Variants in RNLS observed in about 807,000 individuals in gnomAD.
RNLS encodes the protein renalase.
Under a neutral mutation model 39.8 loss-of-function variants are expected in RNLS, and 39 were observed. That is an observed-to-expected ratio of 0.98 (90% CI 0.76 to 1.28). The LOEUF is 1.28. Ranked by LOEUF, RNLS falls within the 50% of genes most tolerant of loss-of-function variation. RNLS has a pLI of 0.00. For missense variants in RNLS, 410 were observed against 413.3 expected (o/e 0.99, Z 0.07); for synonymous variants, 147 against 150.7 (o/e 0.98, Z 0.18).
At chr10:88,205,209 T>C in the RNLS span, among the ~76,000 whole-genome samples, 7 of 152,142 alleles carry the variant, frequency 4.6e-5, no homozygotes, top group African/African-American at 1.7e-4. Flanking sequence ...CTCTCCTTGC[T>C]AGACCGTGTC....
chr10:88,269,038 G>C (rs1401103047), downstream of RNLS, among the ~76,000 whole-genome samples: 3 of 152,112 alleles, frequency 2.0e-5, no homozygotes, highest in Non-Finnish European at 2.9e-5. Context: ...TGATGTTAGG[G>C]GGACAATCAA....
chr10:88,344,747 T>C (rs937188273), intron 5 of RNLS, among the ~76,000 whole-genome samples: 1 of 152,168 alleles, frequency 6.6e-6, no homozygotes, highest in Non-Finnish European at 1.5e-5. Flanking sequence ...TAGAAATCTA[T>C]TTTAGTGAGG....
the RNLS span, among the ~76,000 whole-genome samples, chr10:88,249,014 C>T: frequency 1.3e-5 from 2 of 152,184 alleles, no homozygotes; most frequent in Non-Finnish European, 2.9e-5. Flanking sequence ...GCCTGGTCCC[C>T]TCTGATCCAT....
intron 4 of RNLS, among the ~76,000 whole-genome samples, chr10:88,439,722 C>T (rs1215754169): frequency 6.6e-6 from 1 of 152,144 alleles, no homozygotes; most frequent in Non-Finnish European, 1.5e-5. Context: ...CAGTGATTTG[C>T]CCAAAGTGAC....
intron 4 of RNLS, among the ~76,000 whole-genome samples, chr10:88,408,885 T>C (rs565026575): frequency 6.6e-6 from 1 of 152,262 alleles, no homozygotes; most frequent in East Asian, 1.9e-4. Flanking sequence ...GCAAATTATA[T>C]TTCTCTATGA....
intron 6 of RNLS, among the ~76,000 whole-genome samples, chr10:88,306,307 G>A (rs1453764096): frequency 1.3e-5 from 2 of 152,026 alleles, no homozygotes. Context: ...AGCTAGCAGA[G>A]ACAAGAAATA....
chr10:88,197,784 C>G, the RNLS span, among the ~76,000 whole-genome samples: 1 of 152,142 alleles, frequency 6.6e-6, no homozygotes, highest in Non-Finnish European at 1.5e-5. Flanking sequence ...TAGGAGTTTG[C>G]TCTTGCTAAA....
the RNLS span, among the ~76,000 whole-genome samples, chr10:88,235,854 CAG>C: frequency 6.6e-6 from 1 of 150,768 alleles, no homozygotes; most frequent in African/African-American, 2.4e-5. Flanking sequence ...TTTTTTGAGA[CAG>C]GGTCTTGTTC....
intron 4 of RNLS, among the ~76,000 whole-genome samples, chr10:88,449,826 T>A (rs952894808): frequency 1.3e-5 from 2 of 152,168 alleles, no homozygotes; most frequent in Non-Finnish European, 2.9e-5. Context: ...CTTTTATTAA[T>A]TTTTTAAGTA....
intron 4 of RNLS, among the ~76,000 whole-genome samples, chr10:88,484,791 T>C (rs1393749074): frequency 6.6e-6 from 1 of 151,962 alleles, no homozygotes; most frequent in Admixed American, 6.6e-5. Context: ...TTATTAGGTC[T>C]TCTTTAAAGT....
chr10:88,244,154 G>C, the RNLS span, among the ~76,000 whole-genome samples: 1 of 152,164 alleles, frequency 6.6e-6, no homozygotes, highest in African/African-American at 2.4e-5. Flanking sequence ...GGCCCAATCC[G>C]GGGTCTGCAT....
At chr10:88,193,976 G>T in the RNLS span, among the ~76,000 whole-genome samples, 1 of 152,134 alleles carries the variant, frequency 6.6e-6, no homozygotes, top group South Asian at 2.1e-4. Context: ...TTGGCTAATT[G>T]TTTTGCAAGC....
At chr10:88,540,316 G>A (rs1271298124) in intron 4 of RNLS, among the ~76,000 whole-genome samples, 1 of 152,106 alleles carries the variant, frequency 6.6e-6, no homozygotes, top group Non-Finnish European at 1.5e-5. Context: ...CCTTGGAGAT[G>A]TGACTATAAA....
At chr10:88,355,201 T>G (rs1212049059) in intron 5 of RNLS, among the ~76,000 whole-genome samples, 1 of 152,228 alleles carries the variant, frequency 6.6e-6, no homozygotes, top group Non-Finnish European at 1.5e-5. Context: ...TCTGAAGCCT[T>G]CTTCTCTCAA....
chr10:88,230,337 C>A, the RNLS span, among the ~76,000 whole-genome samples: 1 of 152,124 alleles, frequency 6.6e-6, no homozygotes, highest in Non-Finnish European at 1.5e-5. Context: ...TCTCCTGACC[C>A]GTGATATCCA....
intron 6 of RNLS, among the ~76,000 whole-genome samples, chr10:88,288,398 C>T (rs939168183): frequency 2.6e-5 from 4 of 152,022 alleles, no homozygotes; most frequent in East Asian, 1.9e-4. Flanking sequence ...TGAAGTAAAA[C>T]AAAACAAAAA....
At chr10:88,340,548 A>C (rs1270154011) in intron 5 of RNLS, among the ~76,000 whole-genome samples, 1 of 152,172 alleles carries the variant, frequency 6.6e-6, no homozygotes, top group African/African-American at 2.4e-5. Flanking sequence ...TAAAGACCCA[A>C]CTAGGATTAC....
At chr10:88,469,818 TGTGC>T (rs757702099) in intron 4 of RNLS, among the ~76,000 whole-genome samples, 4 of 121,866 alleles carry the variant, frequency 3.3e-5, no homozygotes, top group East Asian at 2.4e-4. Context: ...TTTTTATGTG[TGTGC>T]GTGTGTGTGT....
the RNLS span, among the ~76,000 whole-genome samples, chr10:88,184,338 G>A: frequency 2.0e-5 from 3 of 152,026 alleles, no homozygotes; most frequent in Non-Finnish European, 4.4e-5. Flanking sequence ...TAGTTCATTT[G>A]CGTTAAACAG....
Sources: gnomAD v4.1 joint callset for allele counts (sites outside exome capture counted in the v4.1 genomes callset) on GRCh38, gnomAD v4.1.1 for gene constraint, MANE v1.5 for transcripts, NCBI Gene and HGNC (gene_info 2026-07-23, HGNC 2026-07-21) for gene names.